Variants in LCN12 observed in about 807,000 individuals in gnomAD.
LCN12 encodes epididymal-specific lipocalin-12.
Under a neutral mutation model 23.7 loss-of-function variants are expected in LCN12, and 15 were observed. That is an observed-to-expected ratio of 0.63 (90% CI 0.42 to 0.97). The LOEUF is 0.97. LCN12 is among the 50% of genes least tolerant of loss of function. The pLI is 0.00. For missense variants in LCN12, 219 were observed against 249.6 expected (o/e 0.88, Z 0.83); for synonymous variants, 116 against 111.5 (o/e 1.04, Z -0.25).
chr9:136,955,274 G>A, intron 5 of LCN12, 97 bp from the exon 6 acceptor site: 7 of 1,525,382 alleles, frequency 4.6e-6, no homozygotes, highest in Non-Finnish European at 6.2e-6. Context: ...CTCACCTGAA[G>A]CCACCTGCCC....
upstream of LCN12, among the ~76,000 whole-genome samples, chr9:136,950,639 CCT>C (rs1238574835): frequency 6.6e-6 from 1 of 152,130 alleles, no homozygotes; most frequent in East Asian, 1.9e-4. Context: ...GACAGGCGCT[CCT>C]AGGCTGGCTG....
chr9:136,956,221 C>T (rs547747967), downstream of LCN12, among the ~76,000 whole-genome samples: 3 of 152,278 alleles, frequency 2.0e-5, no homozygotes, highest in Non-Finnish European at 2.9e-5. Flanking sequence ...CCACCCAGGG[C>T]GGCCATGGAC....
In LCN12 at chr9:136,954,945, T is replaced by A; in HGVS notation, c.551-426T>A. On this transcript the variant is annotated intron_variant, in intron 5 of 5. Transcript: ENST00000371633. ...ACACACTCACGCATGAGCAAACGTG[T>A]ACAGACTGGCACATGCCTCCACATG... The A allele has an allele frequency of 7.9e-6, 10 of 1,260,428 alleles. No individual in the cohort carries two copies. In the South Asian group the frequency reaches 1.5e-4, roughly 19 times the overall value. 78.1% of individuals were successfully genotyped at this position (1,260,428 alleles called of 1,614,324 possible).
At position 136,953,733 on chromosome 9, in the gene LCN12, G is replaced by A. The variant is rs746605744; in HGVS notation, c.285G>A (p.Leu95=). ...GQHCDTWSYV[L]IPAAQPGQFT... ...ACTGTGACACATGGTCTTATGTGCT[G>A]ATACCGGCAGCCCAGCCTGGGCAGT... Residue 95 remains leucine (L), a synonymous_variant, in exon 3 of 6, where the codon CTG becomes CTA. Transcript: ENST00000371633. 1.2e-6 allele frequency: 2 copies of A among 1,604,276 alleles called. No homozygotes were observed. Among genetic ancestry groups the A allele is most frequent in the African/African-American group, 1.3e-5 (1 of 74,858 alleles).
intron 1 of LCN12, 36 bp from the exon 2 acceptor site, chr9:136,952,856 G>GGCCCCCCC: frequency 2.0e-6 from 3 of 1,517,100 alleles, no homozygotes; most frequent in Non-Finnish European, 2.7e-6. Context: ...TGCCACCCCT[G>GGCCCCCCC]CCCACCGCCG....
chr9:136,955,985 A>AGCCT (rs1851313275), downstream of LCN12, among the ~76,000 whole-genome samples: 2 of 152,152 alleles, frequency 1.3e-5, no homozygotes, highest in South Asian at 4.1e-4. Context: ...GGTGACAAGC[A>AGCCT]GCCTCGGGCT....
intron 2 of LCN12, 42 bp downstream of exon 2, chr9:136,953,070 C>T (rs1221737791): frequency 6.2e-7 from 1 of 1,607,706 alleles, no homozygotes; most frequent in East Asian, 2.2e-5. Flanking sequence ...TGAGGAGGAT[C>T]CCGGGCCTGG....
chr9:136,955,988 C>G (rs1851313318), downstream of LCN12, among the ~76,000 whole-genome samples: 1 of 152,118 alleles, frequency 6.6e-6, no homozygotes, highest in Non-Finnish European at 1.5e-5. Context: ...GACAAGCAGC[C>G]TCGGGCTGGA....
chr9:136,952,455 GA>G lies in LCN12; in HGVS notation c.114+15del. 1.3e-6 allele frequency: 2 copies of G among 1,569,350 alleles called. No homozygotes were observed. Among genetic ancestry groups the G allele is most frequent in the Non-Finnish European group, 1.8e-6 (2 of 1,141,028 alleles). On this transcript the variant is annotated intron_variant, in intron 1 of 5. Coordinates refer to ENST00000371633, the MANE Select transcript of LCN12 (RefSeq NM_178536.4). ...CAAGGAAACCAGGTACAGGGGTTTT[GA>G]CGGAAGGAGAAGCAGCCGGCTGGGT... is the stretch of plus-strand genomic sequence containing the variant.
intron 5 of LCN12, chr9:136,955,014 C>T: frequency 7.3e-7 from 1 of 1,366,714 alleles, no homozygotes; most frequent in Non-Finnish European, 9.5e-7. Context: ...GGCACACATG[C>T]TGTCTACCCG....
chr9:136,953,831 C>T lies in LCN12; in HGVS notation c.332-17C>T, dbSNP rs1229287464. 25 of 1,597,076 alleles carry T rather than the reference C, an allele frequency of 1.6e-5. No homozygotes were observed. Among genetic ancestry groups the T allele is most frequent in the South Asian group, 3.4e-5 (3 of 88,514 alleles). On this transcript the variant is annotated splice_polypyrimidine_tract_variant and intron_variant, in intron 3 of 5. Transcript: ENST00000371633. ...GGGGTGCTGGCCCACAGGGATGTGACGTCTGTGCCGCCTCAGAGCCCGGGG... is the reference window on the plus strand; with the variant it reads ...GGGGTGCTGGCCCACAGGGATGTGATGTCTGTGCCGCCTCAGAGCCCGGGG...
intron 5 of LCN12, chr9:136,955,109 TG>T: frequency 7.1e-7 from 1 of 1,415,858 alleles, no homozygotes; most frequent in Non-Finnish European, 9.2e-7. Context: ...GCAGTGAGTC[TG>T]GGGGCCCATG....
At chr9:136,954,001 C>G (rs766041978) in intron 4 of LCN12, 37 bp downstream of exon 4, 12 of 1,594,250 alleles carry the variant, frequency 7.5e-6, no homozygotes, top group Non-Finnish European at 7.7e-6. Context: ...CGTGTGTGGC[C>G]CTGGAGGCAC....
intron 5 of LCN12, chr9:136,954,824 G>A (rs946704496): frequency 6.2e-6 from 8 of 1,280,960 alleles, no homozygotes; most frequent in South Asian, 5.0e-5. Flanking sequence ...GTGGGAGGGC[G>A]AGGTCAGCCT....
chr9:136,953,801 G>C (rs759794253), intron 3 of LCN12, 22 bp downstream of exon 3: 4 of 1,601,922 alleles, frequency 2.5e-6, no homozygotes, highest in Non-Finnish European at 3.4e-6. Context: ...ACAGGAGGGA[G>C]GGACGGGGTG....
At chr9:136,949,699 C>A (rs4880172), upstream of LCN12, 97,567 of 152,234 alleles carry the variant, frequency 0.64, 31,671 homozygotes, top group East Asian at 0.85. Context: ...GTGGGGAGGC[C>A]GAGATGAAGG....
chr9:136,954,180 A>G lies in LCN12; in HGVS notation c.475A>G (p.Thr159Ala). 6.4e-7 allele frequency: 1 copy of G among 1,569,034 alleles called. No individual in the cohort carries two copies. The highest frequency in any genetic ancestry group is 8.6e-7 in the Non-Finnish European group (1 of 1,156,188). ...CAGGAGCTGGTTGCTGCCTCCCGGGACGCTGGACCAGTTCATCTGCCTGGG... is the reference window on the plus strand; with the variant it reads ...CAGGAGCTGGTTGCTGCCTCCCGGGGCGCTGGACCAGTTCATCTGCCTGGG... ...LGRSWLLPPG[T>A]LDQFICLGRA... The change falls in exon 5 of 6, where the codon ACG becomes GCG. Residue 159 changes from threonine (T) to alanine (A), a missense_variant. Coordinates refer to ENST00000371633, the MANE Select transcript of LCN12 (RefSeq NM_178536.4).
intron 1 of LCN12, 33 bp downstream of exon 1, chr9:136,952,474 G>A (rs778054362): frequency 1.0e-5 from 15 of 1,481,894 alleles, no homozygotes; most frequent in South Asian, 3.5e-5. Context: ...AGAAGCAGCC[G>A]GCTGGGTCTG....
Position 136,954,246 on chromosome 9 carries a change from G to C in LCN12, c.541G>C (p.Asp181His). 1 of 1,567,906 alleles carries C rather than the reference G, an allele frequency of 6.4e-7. No individual in the cohort carries two copies. The highest frequency in any genetic ancestry group is 8.7e-7 in the Non-Finnish European group (1 of 1,155,756). The change falls in exon 5 of 6, where the codon GAT becomes CAT. Residue 181 changes from aspartate to histidine, a missense_variant. Physicochemically the swap from Asp to His is moderately conservative, Grantham distance 81. Transcript: ENST00000371633. ...GLSDDNIVFPDVTGWSPQASV... is the reference protein window; with the variant it reads ...GLSDDNIVFPHVTGWSPQASV... The stretch of plus-strand genomic sequence containing the variant: ...CTCGGATGACAACATCGTCTTCCCA[G>C]ATGTGACTGGTAACATGGTTCACCT...
Sources: gnomAD v4.1 joint callset for allele counts (sites outside exome capture counted in the v4.1 genomes callset) on GRCh38, gnomAD v4.1.1 for gene constraint, MANE v1.5 for transcripts, NCBI Gene and HGNC (gene_info 2026-07-23, HGNC 2026-07-21) for gene names.